The following NECAB1 variants were observed in gnomAD, a reference collection of about 807,000 sequenced individuals.
NECAB1 encodes N-terminal EF-hand calcium binding protein 1.
A neutral mutation model predicts 57.5 loss-of-function variants in NECAB1; 29 were observed. The observed-to-expected ratio is 0.50, with a 90% confidence interval of 0.38 to 0.69. The LOEUF (loss-of-function observed/expected upper bound fraction) is 0.69, where lower values mean the gene tolerates loss of function less well. NECAB1 is among the 30% of genes least tolerant of loss of function. The pLI is 0.00. For missense variants in NECAB1, 372 were observed against 413.8 expected (o/e 0.90, Z 0.88); for synonymous variants, 142 against 147.7 (o/e 0.96, Z 0.28).
At chr8:90,876,013 AAAT>A (rs1459616097) in intron 4 of NECAB1, among the ~76,000 whole-genome samples, 1 of 152,028 alleles carries the variant, frequency 6.6e-6, no homozygotes, top group African/African-American at 2.4e-5. Context: ...CTGTCTCAAA[AAAT>A]AATAATAATA....
At chr8:90,795,103 A>T (rs533334935) in intron 1 of NECAB1, among the ~76,000 whole-genome samples, 4 of 152,328 alleles carry the variant, frequency 2.6e-5, no homozygotes, top group African/African-American at 7.2e-5. Context: ...TTTTACACCA[A>T]TGGACTATCA....
chr8:90,950,781 AGAAAT>A lies in NECAB1; in HGVS notation c.939-330_939-326del, dbSNP rs1489786882. Among the ~76,000 whole-genome samples the A allele has an allele frequency of 4.6e-5, 7 of 152,334 alleles. No homozygotes were observed. The South Asian group carries it at 1.4e-3, about 32-fold the overall frequency. The stretch of plus-strand genomic sequence containing the variant: ...CTTTTTAGATTTATTTTTATTATCT[AGAAAT>A]GTAAAATATACAGTCTGTCTTATTA... On this transcript the variant is annotated intron_variant, in intron 11 of 12. Coordinates refer to ENST00000417640, the MANE Select transcript of NECAB1 (RefSeq NM_022351.5).
At chr8:90,826,035 T>C (rs1016250797) in intron 3 of NECAB1, among the ~76,000 whole-genome samples, 1 of 151,834 alleles carries the variant, frequency 6.6e-6, no homozygotes, top group African/African-American at 2.4e-5. Context: ...GGAAGAAATT[T>C]TAGCCCAATT....
Position 90,791,883 on chromosome 8 carries a change from G to C in NECAB1, c.-4G>C. ...TCCGCCTGAGGCCGTCAGGGCTCCC[G>C]AGGATGGAAGATTCCCAGGAGACAT... On this transcript the variant is annotated 5_prime_UTR_variant, in exon 1 of 13. Coordinates refer to ENST00000417640, the MANE Select transcript of NECAB1 (RefSeq NM_022351.5). The C allele has an allele frequency of 6.5e-7, 1 of 1,550,208 alleles. No homozygotes were observed. Among genetic ancestry groups the C allele is most frequent in the Non-Finnish European group, 8.7e-7 (1 of 1,146,840 alleles).
intron 5 of NECAB1, among the ~76,000 whole-genome samples, chr8:90,886,492 G>A (rs1808994099): frequency 6.6e-6 from 1 of 152,050 alleles, no homozygotes; most frequent in Non-Finnish European, 1.5e-5. Flanking sequence ...ATTTGAAAAT[G>A]TAAAAGTGCA....
At chr8:90,922,740 G>A (rs1047819119) in intron 6 of NECAB1, among the ~76,000 whole-genome samples, 1 of 151,968 alleles carries the variant, frequency 6.6e-6, no homozygotes, top group Non-Finnish European at 1.5e-5. Flanking sequence ...TGATCCACCT[G>A]CCTGAGCCTC....
rs145064702 is a variant in NECAB1 at position 90,923,004 on chromosome 8, C to T, written c.495-2531C>T. On this transcript the variant is annotated intron_variant, in intron 6 of 12. Transcript: ENST00000417640. Reference sequence around the variant, plus strand: ...CTTGGAAGGTGGAGAGAAGGTGAATCTAGTGGAAATTGATTTAGAAGCTCT... The same window carrying T: ...CTTGGAAGGTGGAGAGAAGGTGAATTTAGTGGAAATTGATTTAGAAGCTCT... 4.9e-4 allele frequency among the ~76,000 whole-genome samples: 75 copies of T among 152,216 alleles called. No homozygotes were observed. The East Asian group carries it at 8.7e-3, about 18-fold the overall frequency.
At chr8:90,815,820 A>T (rs1177675584) in intron 2 of NECAB1, among the ~76,000 whole-genome samples, 1 of 151,992 alleles carries the variant, frequency 6.6e-6, no homozygotes, top group Non-Finnish European at 1.5e-5. Flanking sequence ...TTCAGTAGAG[A>T]CATGAATAAA....
chr8:90,875,487 CAAAAAAAAAAAAAAAAA>C (rs35777818), intron 4 of NECAB1, among the ~76,000 whole-genome samples: 2 of 41,478 alleles, frequency 4.8e-5, no homozygotes, highest in Non-Finnish European at 7.2e-5. Flanking sequence ...GACTCCGTCT[CAAAAAAAAAAAAAAAAA>C]AAAAAAAAAA....
intron 3 of NECAB1, among the ~76,000 whole-genome samples, chr8:90,840,738 C>G (rs922508224): frequency 6.6e-6 from 1 of 152,130 alleles, no homozygotes; most frequent in Non-Finnish European, 1.5e-5. Context: ...AACCACATAA[C>G]GCACAGTCAT....
chr8:90,828,089 A>C (rs1406662699), intron 3 of NECAB1, among the ~76,000 whole-genome samples: 1 of 149,928 alleles, frequency 6.7e-6, no homozygotes, highest in Non-Finnish European at 1.5e-5. Context: ...TAAGAAATCA[A>C]TATGTTCATT....
Position 90,793,350 on chromosome 8 carries a change from C to G in NECAB1, c.99+1365C>G, listed in dbSNP as rs187775029. Among the ~76,000 whole-genome samples the G allele has an allele frequency of 1.1e-3, 170 of 152,282 alleles. 1 individual carries two copies. Among genetic ancestry groups the G allele is most frequent in the African/African-American group, 3.8e-3 (157 of 41,550 alleles). On this transcript the variant is annotated intron_variant, in intron 1 of 12. Transcript: ENST00000417640. ...CTTCACCCTTTATCACCTGGTGGCT[C>G]CAATTGGTGATCCAGGCATTCTGGG...
At chr8:90,892,822 C>G (rs1168275826) in intron 5 of NECAB1, among the ~76,000 whole-genome samples, 1 of 152,162 alleles carries the variant, frequency 6.6e-6, no homozygotes, top group Non-Finnish European at 1.5e-5. Context: ...CTGTCCCTCA[C>G]CTCCTTAAAA....
At chr8:90,882,100 G>A (rs1164058371) in intron 5 of NECAB1, among the ~76,000 whole-genome samples, 5 of 152,192 alleles carry the variant, frequency 3.3e-5, no homozygotes, top group African/African-American at 1.2e-4. Context: ...TGTATCCTAA[G>A]TGCAAATAAA....
At chr8:90,866,566 T>A (rs1475282051) in intron 3 of NECAB1, among the ~76,000 whole-genome samples, 2 of 152,170 alleles carry the variant, frequency 1.3e-5, no homozygotes, top group African/African-American at 4.8e-5. Flanking sequence ...AGGTTCACAG[T>A]GTATGGAAAT....
At chr8:90,857,639 T>G (rs1812817400) in intron 3 of NECAB1, among the ~76,000 whole-genome samples, 2 of 152,114 alleles carry the variant, frequency 1.3e-5, no homozygotes, top group Admixed American at 1.3e-4. Flanking sequence ...AGAAATCAAA[T>G]TTAACATAAA....
At chr8:90,811,072 C>A (rs1031545389) in intron 2 of NECAB1, among the ~76,000 whole-genome samples, 1 of 151,904 alleles carries the variant, frequency 6.6e-6, no homozygotes, top group African/African-American at 2.4e-5. Context: ...CTCCGCCTCC[C>A]GAGTAGCTGG....
rs1811054729 is a variant in NECAB1 at position 90,957,605 on chromosome 8, G to A, written c.*2093G>A. 1 of 150,426 alleles carries A rather than the reference G, an allele frequency of 6.6e-6. No homozygotes were observed. The highest frequency in any genetic ancestry group is 1.5e-5 in the Non-Finnish European group (1 of 67,500). The allele number at this position is 150,426 out of a possible 1,614,324, so 9.3% of individuals were successfully genotyped here. ...TTGTGAGAGTTGTATGTATGTGAATGTGTGTGAGTGTGTATTCACATACAC... is the reference window on the plus strand; with the variant it reads ...TTGTGAGAGTTGTATGTATGTGAATATGTGTGAGTGTGTATTCACATACAC... On this transcript the variant is annotated 3_prime_UTR_variant, in exon 13 of 13. Transcript: ENST00000417640.
chr8:90,880,532 GA>G (rs11384107), intron 4 of NECAB1, among the ~76,000 whole-genome samples: 139 of 141,450 alleles, frequency 9.8e-4, no homozygotes, highest in Non-Finnish European at 1.4e-3. Context: ...CAAATTGTTG[GA>G]AAAAAAAAAA....
Sources: allele counts gnomAD v4.1 joint callset (sites outside exome capture counted in the v4.1 genomes callset), GRCh38; gene constraint gnomAD v4.1.1; transcripts MANE v1.5; gene names NCBI Gene and HGNC (gene_info 2026-07-23, HGNC 2026-07-21).